The following CDH12 variants were observed in gnomAD, a reference collection of about 807,000 sequenced individuals.
The protein encoded by CDH12 is cadherin-12.
A neutral mutation model predicts 74.1 loss-of-function variants in CDH12; 41 were observed. The observed-to-expected ratio is 0.55, with a 90% CI of 0.43 to 0.72. CDH12 has a LOEUF of 0.72. Ranked by LOEUF, CDH12 falls within the 30% of genes least tolerant of loss-of-function variation. The pLI, the probability that CDH12 is intolerant of heterozygous loss-of-function variation, is 0.00. For missense variants in CDH12, 945 were observed against 977.2 expected (o/e 0.97, Z 0.44); for synonymous variants, 399 against 355.0 (o/e 1.12, Z -1.39).
At chr5:22,164,700 T>C (rs1748578937) in intron 4 of CDH12, among the ~76,000 whole-genome samples, 1 of 151,486 alleles carries the variant, frequency 6.6e-6, no homozygotes, top group African/African-American at 2.4e-5. Flanking sequence ...TCTCAGGCAA[T>C]AGATGATTGG....
At chr5:21,867,136 C>T (rs1037873816) in intron 6 of CDH12, among the ~76,000 whole-genome samples, 22 of 152,104 alleles carry the variant, frequency 1.4e-4, no homozygotes, top group African/African-American at 4.8e-4. Flanking sequence ...GGGTGGATCA[C>T]CTGATTTCAG....
chr5:22,593,919 C>G (rs1464186282), intron 1 of CDH12, among the ~76,000 whole-genome samples: 1 of 152,120 alleles, frequency 6.6e-6, no homozygotes, highest in Non-Finnish European at 1.5e-5. Flanking sequence ...TGTCTATTAA[C>G]TGATAGTTAC....
intron 1 of CDH12, among the ~76,000 whole-genome samples, chr5:22,733,402 C>T (rs1187056511): frequency 6.7e-6 from 1 of 150,294 alleles, no homozygotes; most frequent in Non-Finnish European, 1.5e-5. Context: ...ATGAAGTGAT[C>T]TTTTATCGAA....
rs1388480037 is a variant in CDH12, at chr5:21,833,250, TATTATATAACA to T, written c.814+8900_814+8910del. ...TATATAACATATAATATATATTATA[TATTATATAACA>T]TATAATATATATTATATGTTATATA... On this transcript the variant is annotated intron_variant, in intron 8 of 14. Coordinates refer to ENST00000382254, the MANE Select transcript of CDH12 (RefSeq NM_004061.5). Among the ~76,000 whole-genome samples, 287 of 40,972 alleles carry T rather than the reference TATTATATAACA, an allele frequency of 7.0e-3. 46 individuals are homozygous for T. Among genetic ancestry groups the T allele is most frequent in the African/African-American group, 0.034 (124 of 3,624 alleles). 26.9% of individuals were successfully genotyped at this position (40,972 alleles called of 152,430 possible). A position where few individuals can be genotyped will look rare whatever the true frequency, so the allele number is the denominator to read the frequency against.
chr5:22,536,477 T>G (rs1028559462), intron 1 of CDH12, among the ~76,000 whole-genome samples: 3 of 152,106 alleles, frequency 2.0e-5, no homozygotes, highest in African/African-American at 7.2e-5. Flanking sequence ...CTGATATTTT[T>G]GTACTTGCCA....
chr5:22,143,545 T>G (rs1258245432), intron 4 of CDH12: 4 of 151,986 alleles, frequency 2.6e-5, no homozygotes, highest in Non-Finnish European at 5.9e-5. Context: ...GTTTTTGTAT[T>G]TTTAGTAGAG....
intron 1 of CDH12, among the ~76,000 whole-genome samples, chr5:22,685,616 G>T (rs1255289887): frequency 6.6e-6 from 1 of 152,132 alleles, no homozygotes; most frequent in Non-Finnish European, 1.5e-5. Context: ...CTATCCATTT[G>T]CCTATCCTGG....
At chr5:21,847,632 G>A (rs1750244320) in intron 7 of CDH12, among the ~76,000 whole-genome samples, 1 of 151,810 alleles carries the variant, frequency 6.6e-6, no homozygotes, top group Non-Finnish European at 1.5e-5. Context: ...GTGATTACAC[G>A]GAGTCTACCC....
intron 6 of CDH12, among the ~76,000 whole-genome samples, chr5:21,964,745 A>T (rs2547598): frequency 6.6e-6 from 1 of 152,018 alleles, no homozygotes; most frequent in Non-Finnish European, 1.5e-5. Context: ...TTAAAAATAC[A>T]TTATATTTAT....
chr5:22,460,962 C>T (rs1435132657), intron 2 of CDH12, among the ~76,000 whole-genome samples: 6 of 149,136 alleles, frequency 4.0e-5, no homozygotes, highest in African/African-American at 1.5e-4. Context: ...CCCAGGTGAT[C>T]CACCTGCCTC....
At position 22,815,927 on chromosome 5, in the gene CDH12, T is replaced by C. The variant is rs368832301; in HGVS notation, c.-523+37131A>G. On this transcript the variant is annotated intron_variant, in intron 1 of 14. Transcript: ENST00000382254. The stretch of plus-strand genomic sequence containing the variant: ...ATAGCATTAGAAGAAAAATTAATTA[T>C]GTTCTAGGTTTGAAAAAAAAGAAGG... 1.4e-4 allele frequency among the ~76,000 whole-genome samples: 22 copies of C among 152,028 alleles called. No individual in the cohort carries two copies. The East Asian group carries it at 4.3e-3, about 29-fold the overall frequency.
intron 1 of CDH12, among the ~76,000 whole-genome samples, chr5:22,700,462 T>C (rs979964744): frequency 6.6e-6 from 1 of 152,216 alleles, no homozygotes; most frequent in Admixed American, 6.5e-5. Flanking sequence ...TGTATTACTT[T>C]ACCTCTTGCC....
intron 1 of CDH12, among the ~76,000 whole-genome samples, chr5:22,761,511 T>C (rs1197288938): frequency 6.6e-6 from 1 of 152,116 alleles, no homozygotes; most frequent in African/African-American, 2.4e-5. Flanking sequence ...GCCCAAGATA[T>C]AAATATAAGC....
chr5:22,438,742 A>C (rs1214387489), intron 2 of CDH12, among the ~76,000 whole-genome samples: 1 of 151,982 alleles, frequency 6.6e-6, no homozygotes, highest in Non-Finnish European at 1.5e-5. Flanking sequence ...AGTATAATGT[A>C]AAAATAATAA....
At chr5:22,388,624 C>A (rs940624307) in intron 3 of CDH12, among the ~76,000 whole-genome samples, 2 of 152,034 alleles carry the variant, frequency 1.3e-5, no homozygotes, top group Non-Finnish European at 2.9e-5. Flanking sequence ...CAACAAAATA[C>A]AATTTTATGT....
chr5:22,698,613 T>A (rs1160761919), intron 1 of CDH12, among the ~76,000 whole-genome samples: 1 of 146,052 alleles, frequency 6.8e-6, no homozygotes, highest in Non-Finnish European at 1.5e-5. Context: ...TTTTAATTGA[T>A]GCCATTCTCA....
chr5:22,454,883 C>T (rs149873662), intron 2 of CDH12, among the ~76,000 whole-genome samples: 82 of 152,192 alleles, frequency 5.4e-4, no homozygotes, highest in African/African-American at 1.9e-3. Flanking sequence ...ACCATTACTC[C>T]GGGGTCTATG....
At chr5:22,145,558 C>T (rs952136577) in intron 4 of CDH12, among the ~76,000 whole-genome samples, 7 of 152,068 alleles carry the variant, frequency 4.6e-5, no homozygotes, top group African/African-American at 7.2e-5. Flanking sequence ...ATTGTTAACT[C>T]TTCCAAAGAA....
chr5:22,032,832 A>G (rs896037307), intron 5 of CDH12, among the ~76,000 whole-genome samples: 6 of 150,058 alleles, frequency 4.0e-5, no homozygotes, highest in African/African-American at 1.2e-4. Flanking sequence ...ACACACACAC[A>G]CACGCACACA....
Sources: allele counts gnomAD v4.1 joint callset (sites outside exome capture counted in the v4.1 genomes callset), GRCh38; gene constraint gnomAD v4.1.1; transcripts MANE v1.5; gene names NCBI Gene and HGNC (gene_info 2026-07-23, HGNC 2026-07-21).